MACROD2: variants seen among roughly 807,000 people sequenced by gnomAD.
MACROD2 encodes ADP-ribose glycohydrolase MACROD2.
MACROD2 carries 36 observed loss-of-function variants against 70.4 expected under a neutral mutation model. The observed-to-expected ratio is 0.51, with a 90% CI of 0.39 to 0.68. MACROD2 has a LOEUF of 0.68. Among genes scored for constraint, MACROD2 ranks in the 30% least tolerant of loss-of-function variants. The pLI, the probability that MACROD2 is intolerant of heterozygous loss-of-function variation, is 0.00. For synonymous variants in MACROD2, 172 were observed against 178.8 expected (o/e 0.96, Z 0.30); for missense variants, 496 against 538.4 (o/e 0.92, Z 0.78).
chr20:14,667,694 A>T (rs2070750597), intron 4 of MACROD2, among the ~76,000 whole-genome samples: 1 of 152,146 alleles, frequency 6.6e-6, no homozygotes, highest in African/African-American at 2.4e-5. Flanking sequence ...GAGCTGCAGG[A>T]TTATCCAAGC....
Position 15,535,535 on chromosome 20 carries a change from G to T in MACROD2, c.645+35688G>T, listed in dbSNP as rs74652016. ...GTTTTACACTATGATATTAAAGGGC[G>T]ATTTCAAAGAATAGGGTAATTCCCA... On this transcript the variant is annotated intron_variant, in intron 8 of 17. Coordinates refer to ENST00000684519, the MANE Select transcript of MACROD2 (RefSeq NM_001351661.2). 2.6e-3 allele frequency among the ~76,000 whole-genome samples: 392 copies of T among 152,288 alleles called. 9 individuals carry two copies. The East Asian group carries it at 0.049, about 19-fold the overall frequency.
chr20:14,858,658 A>G (rs1237962511), intron 5 of MACROD2, among the ~76,000 whole-genome samples: 6 of 152,154 alleles, frequency 3.9e-5, no homozygotes, highest in African/African-American at 1.4e-4. Flanking sequence ...GCACTGATGC[A>G]TCCACTTGCC....
At chr20:15,625,903 C>CAAAAAAA (rs11290779) in intron 8 of MACROD2, among the ~76,000 whole-genome samples, 87 of 75,630 alleles carry the variant, frequency 1.2e-3, no homozygotes, top group Non-Finnish European at 1.6e-3. Context: ...TCCTTGGCCA[C>CAAAAAAA]AAAAAAAAAA....
intron 8 of MACROD2, among the ~76,000 whole-genome samples, chr20:15,557,179 A>G (rs2048179489): frequency 6.6e-6 from 1 of 151,760 alleles, no homozygotes; most frequent in African/African-American, 2.4e-5. Context: ...TCAACGGGGC[A>G]CTCCATTTTA....
chr20:14,835,688 T>C (rs1265009867), intron 5 of MACROD2, among the ~76,000 whole-genome samples: 3 of 152,026 alleles, frequency 2.0e-5, no homozygotes, highest in Admixed American at 2.0e-4. Flanking sequence ...CAGAGCAATT[T>C]CTACTACCAT....
At chr20:14,636,222 G>A (rs1286054357) in intron 4 of MACROD2, among the ~76,000 whole-genome samples, 1 of 152,004 alleles carries the variant, frequency 6.6e-6, no homozygotes, top group Non-Finnish European at 1.5e-5. Flanking sequence ...TTTCATGATA[G>A]AATTTGTTTC....
At chr20:14,856,279 T>G (rs550879635) in intron 5 of MACROD2, among the ~76,000 whole-genome samples, 6 of 152,306 alleles carry the variant, frequency 3.9e-5, no homozygotes, top group African/African-American at 1.4e-4. Context: ...ATTAATGATC[T>G]GATTTGACTT....
intron 2 of MACROD2, among the ~76,000 whole-genome samples, chr20:14,031,687 T>C (rs2053248085): frequency 6.6e-6 from 1 of 152,158 alleles, no homozygotes; most frequent in South Asian, 2.1e-4. Context: ...ATCATAGTCA[T>C]TATAAAGCAT....
intron 6 of MACROD2, among the ~76,000 whole-genome samples, chr20:15,250,456 T>G (rs1361892241): frequency 6.6e-6 from 1 of 152,222 alleles, no homozygotes; most frequent in Admixed American, 6.5e-5. Context: ...TTATGTCCAT[T>G]TAGCTTATGA....
chr20:14,201,600 G>A (rs1396966582), intron 3 of MACROD2, among the ~76,000 whole-genome samples: 1 of 151,962 alleles, frequency 6.6e-6, no homozygotes, highest in Admixed American at 6.6e-5. Flanking sequence ...CCAGCACCTT[G>A]GGAGGCCGAG....
intron 4 of MACROD2, among the ~76,000 whole-genome samples, chr20:14,544,954 C>T (rs2085475356): frequency 6.6e-6 from 1 of 152,138 alleles, no homozygotes; most frequent in Admixed American, 6.6e-5. Context: ...AATACAAGTG[C>T]TAACAGTTGG....
At chr20:14,066,109 G>A (rs1162952088) in intron 2 of MACROD2, among the ~76,000 whole-genome samples, 1 of 152,016 alleles carries the variant, frequency 6.6e-6, no homozygotes, top group Non-Finnish European at 1.5e-5. Context: ...GGTATCTACT[G>A]CAGATTAAAT....
chr20:14,832,467 A>G (rs1248820493), intron 5 of MACROD2, among the ~76,000 whole-genome samples: 1 of 151,922 alleles, frequency 6.6e-6, no homozygotes, highest in Non-Finnish European at 1.5e-5. Context: ...GGCTGGGTCC[A>G]CATCTTCTGT....
intron 15 of MACROD2, among the ~76,000 whole-genome samples, chr20:16,031,222 G>T (rs1262664360): frequency 6.6e-6 from 1 of 152,054 alleles, no homozygotes; most frequent in African/African-American, 2.4e-5. Flanking sequence ...ACAAAAGACA[G>T]GGAGGAGGAA....
chr20:15,212,067 ATC>A (rs2076768658), intron 5 of MACROD2, among the ~76,000 whole-genome samples: 2 of 152,186 alleles, frequency 1.3e-5, no homozygotes, highest in Non-Finnish European at 2.9e-5. Flanking sequence ...GTGAAATGTC[ATC>A]TCATTGTAGT....
In MACROD2 at chr20:15,557,213, T is replaced by TA. The variant is rs10717426; in HGVS notation, c.645+57382dup. The stretch of plus-strand genomic sequence containing the variant: ...TAAGTAGGCAAATTTGGAGATTCCT[T>TA]AAAAAAAAAAAAAAAATGTTTTCCT... On this transcript the variant is annotated intron_variant, in intron 8 of 17. Transcript: ENST00000684519. Among the ~76,000 whole-genome samples, 962 of 141,230 alleles carry TA rather than the reference T, an allele frequency of 6.8e-3. 4 individuals are homozygous for TA. Among genetic ancestry groups the TA allele is most frequent in the Non-Finnish European group, 8.6e-3 (549 of 63,664 alleles). 92.7% of individuals were successfully genotyped at this position (141,230 alleles called of 152,430 possible).
chr20:15,380,879 G>C (rs2045633746), intron 6 of MACROD2, among the ~76,000 whole-genome samples: 1 of 152,110 alleles, frequency 6.6e-6, no homozygotes, highest in African/African-American at 2.4e-5. Context: ...TCTAAAGCTA[G>C]CTAATATAAT....
intron 8 of MACROD2, among the ~76,000 whole-genome samples, chr20:15,592,173 A>C (rs2048689157): frequency 6.6e-6 from 1 of 152,244 alleles, no homozygotes; most frequent in South Asian, 2.1e-4. Context: ...AAATGGGGAT[A>C]ATAATAAGAC....
chr20:14,541,598 TCA>T (rs139991575), intron 4 of MACROD2, among the ~76,000 whole-genome samples: 15 of 150,252 alleles, frequency 1.0e-4, no homozygotes, highest in South Asian at 2.1e-4. Flanking sequence ...ACAGCACACA[TCA>T]CACACACACA....
Sources: allele counts gnomAD v4.1 joint callset (sites outside exome capture counted in the v4.1 genomes callset), GRCh38; gene constraint gnomAD v4.1.1; transcripts MANE v1.5; gene names NCBI Gene and HGNC (gene_info 2026-07-23, HGNC 2026-07-21).